The following CTSO variants were observed in gnomAD, a reference collection of about 807,000 sequenced individuals.
The protein encoded by CTSO is cathepsin O.
A neutral mutation model predicts 42.4 loss-of-function variants in CTSO; 40 were observed. That is an observed-to-expected ratio of 0.94 (90% CI 0.73 to 1.23). CTSO has a LOEUF of 1.23. CTSO is among the 50% of genes most tolerant of loss of function. CTSO has a pLI of 0.00. For synonymous variants in CTSO, 156 were observed against 146.2 expected (o/e 1.07, Z -0.48); for missense variants, 441 against 396.0 (o/e 1.11, Z -0.96).
At chr4:155,935,182 T>C (rs1179189808) in intron 5 of CTSO, among the ~76,000 whole-genome samples, 1 of 152,182 alleles carries the variant, frequency 6.6e-6, no homozygotes, top group African/African-American at 2.4e-5. Context: ...TTCCTCATTT[T>C]CTCTTGCTGC....
At chr4:155,946,172 T>A (rs78698320) in intron 1 of CTSO, among the ~76,000 whole-genome samples, 1 of 152,136 alleles carries the variant, frequency 6.6e-6, no homozygotes, top group Non-Finnish European at 1.5e-5. Context: ...CTAGATCATT[T>A]GTGACATCTA....
chr4:155,948,014 A>T (rs1743578631), intron 1 of CTSO, among the ~76,000 whole-genome samples: 1 of 152,216 alleles, frequency 6.6e-6, no homozygotes, highest in Non-Finnish European at 1.5e-5. Flanking sequence ...TAGAGCTGAT[A>T]AATCAGAACA....
chr4:155,933,775 C>T (rs1319471582), intron 5 of CTSO, among the ~76,000 whole-genome samples: 2 of 152,102 alleles, frequency 1.3e-5, no homozygotes, highest in Non-Finnish European at 2.9e-5. Flanking sequence ...GAACTTTGAA[C>T]TTGAGAGAGA....
chr4:155,940,837 C>G (rs182907811), intron 3 of CTSO, among the ~76,000 whole-genome samples: 1 of 128,572 alleles, frequency 7.8e-6, no homozygotes, highest in African/African-American at 2.9e-5. Flanking sequence ...AGTGAGACTC[C>G]GTCTCAAAAA....
chr4:155,947,541 G>T (rs1743571065), intron 1 of CTSO, among the ~76,000 whole-genome samples: 1 of 152,152 alleles, frequency 6.6e-6, no homozygotes, highest in African/African-American at 2.4e-5. Flanking sequence ...GTATATCCAA[G>T]AATATCTATT....
At chr4:155,937,155 A>G (rs560552911) in intron 5 of CTSO, among the ~76,000 whole-genome samples, 2 of 152,264 alleles carry the variant, frequency 1.3e-5, no homozygotes, top group South Asian at 4.1e-4. Context: ...TTTCATTTCT[A>G]TCGTAATGAC....
chr4:155,953,617 G>A, intron 1 of CTSO, 96 bp downstream of exon 1: 6 of 1,219,464 alleles, frequency 4.9e-6, no homozygotes, highest in Non-Finnish European at 6.1e-6. Context: ...GTGCCCACGA[G>A]CAGGGTCAGC....
At chr4:155,935,953 T>A (rs1186301041) in intron 5 of CTSO, among the ~76,000 whole-genome samples, 1 of 152,204 alleles carries the variant, frequency 6.6e-6, no homozygotes, top group Non-Finnish European at 1.5e-5. Context: ...TTCCCTTAAT[T>A]CAGACTAATG....
At chr4:155,928,273 A>G (rs1334849742) in intron 7 of CTSO, 63 bp downstream of exon 7, 1 of 1,258,738 alleles carries the variant, frequency 7.9e-7, no homozygotes, top group African/African-American at 1.5e-5. Context: ...TTGTAACTCT[A>G]AAATATTCAA....
chr4:155,931,938 G>C (rs1263948506), intron 5 of CTSO, among the ~76,000 whole-genome samples: 1 of 151,838 alleles, frequency 6.6e-6, no homozygotes, highest in Non-Finnish European at 1.5e-5. Flanking sequence ...ATGAAGGCAA[G>C]TCTGACCTGT....
chr4:155,929,678 T>C lies in CTSO; in HGVS notation c.702A>G (p.Ala234=), dbSNP rs1454263197. The part of the protein sequence containing the change: ...FSDQEDEMAK[A]LLTFGPLVVI... ...CTACCAAAGGGCCAAAGGTAAGAAG[T>C]GCTTTTGCCATTTCATCTTCTTGGT... is the stretch of plus-strand genomic sequence containing the variant. Residue 234 remains alanine, a synonymous_variant, in exon 6 of 8, where the codon GCA becomes GCG. Coordinates refer to ENST00000433477, the MANE Select transcript of CTSO (RefSeq NM_001334.3). 6.2e-7 allele frequency: 1 copy of C among 1,611,112 alleles called. No individual in the cohort carries two copies. Among genetic ancestry groups the C allele is most frequent in the Non-Finnish European group, 8.5e-7 (1 of 1,179,366 alleles).
intron 1 of CTSO, among the ~76,000 whole-genome samples, chr4:155,944,974 A>C (rs6851924): frequency 0.033 from 4,823 of 147,294 alleles, 241 homozygotes; most frequent in African/African-American, 0.11. Context: ...AAAAAAAAAA[A>C]GCCTGGGAGC....
At chr4:155,950,373 G>A (rs1743649382) in intron 1 of CTSO, among the ~76,000 whole-genome samples, 1 of 152,140 alleles carries the variant, frequency 6.6e-6, no homozygotes. Flanking sequence ...ACCCAGACCA[G>A]TTCTTTAGAC....
At chr4:155,937,239 G>A in intron 5 of CTSO, 123 bp downstream of exon 5, 2 of 630,112 alleles carry the variant, frequency 3.2e-6, no homozygotes, top group Non-Finnish European at 2.6e-6. Context: ...ACTCTTTCTA[G>A]TAAAAAGTAT....
At position 155,929,724 on chromosome 4, in the gene CTSO, T is replaced by C. The variant is rs756212769; in HGVS notation, c.675-19A>G. On this transcript the variant is annotated intron_variant, in intron 5 of 7. Transcript: ENST00000433477. ...TTGGTCACTACCAAAAGAGGAAATA[T>C]TTGGTTAGAAAATTTAGTTTTTAAG... 1.3e-6 allele frequency: 2 copies of C among 1,593,448 alleles called. No homozygotes were observed. The highest frequency in any genetic ancestry group is 1.1e-5 in the South Asian group (1 of 87,880).
At chr4:155,927,503 C>T (rs1316815917) in intron 7 of CTSO, among the ~76,000 whole-genome samples, 2 of 152,204 alleles carry the variant, frequency 1.3e-5, no homozygotes, top group African/African-American at 4.8e-5. Flanking sequence ...GGCGTGGTGG[C>T]TCACGCCTGT....
chr4:155,943,776 T>A (rs980155453), intron 1 of CTSO, among the ~76,000 whole-genome samples: 2 of 152,178 alleles, frequency 1.3e-5, no homozygotes, highest in Non-Finnish European at 2.9e-5. Context: ...GATATCTCTA[T>A]CTCATGTAGG....
intron 3 of CTSO, among the ~76,000 whole-genome samples, chr4:155,941,153 C>A (rs1028818147): frequency 6.6e-5 from 10 of 152,140 alleles, no homozygotes. Context: ...ACATTGACTG[C>A]GAAACAGCTG....
intron 7 of CTSO, among the ~76,000 whole-genome samples, chr4:155,927,638 G>A (rs1459183059): frequency 1.3e-5 from 2 of 152,124 alleles, no homozygotes; most frequent in Non-Finnish European, 2.9e-5. Context: ...AGCCAGGTGT[G>A]GTGGCGGGAG....
Sources: gnomAD v4.1 joint callset for allele counts (sites outside exome capture counted in the v4.1 genomes callset) on GRCh38, gnomAD v4.1.1 for gene constraint, MANE v1.5 for transcripts, NCBI Gene and HGNC (gene_info 2026-07-23, HGNC 2026-07-21) for gene names.